The following STAG2 variants were observed in gnomAD, a reference collection of about 807,000 sequenced individuals.
STAG2 encodes the protein cohesin subunit SA-2.
Under a neutral mutation model 108.1 loss-of-function variants are expected in STAG2, and 14 were observed. The observed-to-expected ratio is 0.13, with a 90% CI of 0.09 to 0.20. The LOEUF is 0.20. STAG2 is among the 10% of genes least tolerant of loss of function. STAG2 has a pLI of 1.00. For synonymous variants in STAG2, 307 were observed against 302.7 expected, an observed-to-expected ratio of 1.01 and a Z score of -0.15; for missense variants, 440 against 940.9, an observed-to-expected ratio of 0.47 and a Z score of 6.96.
At chrX:124,025,456 A>G (rs997903647) in intron 3 of STAG2, among the ~76,000 whole-genome samples, 1 of 111,373 alleles carries the variant, frequency 9.0e-6, no homozygotes, top group Non-Finnish European at 1.9e-5. Flanking sequence ...AGTTCCTCCA[A>G]TGCCTAGTAT....
chrX:123,995,881 T>G (rs2055714877), intron 1 of STAG2, among the ~76,000 whole-genome samples: 1 of 112,144 alleles, frequency 8.9e-6, no homozygotes, highest in South Asian at 3.7e-4. Flanking sequence ...TACTGCATTA[T>G]CCAAATCTGT....
intron 30 of STAG2, among the ~76,000 whole-genome samples, chrX:124,087,131 A>G (rs180818029): frequency 1.8e-5 from 2 of 112,256 alleles, no homozygotes; most frequent in Admixed American, 1.9e-4. Context: ...GCTAGTTATT[A>G]CCCAAGAGAT....
chrX:124,037,025 A>G, intron 5 of STAG2, among the ~76,000 whole-genome samples: 1 of 110,237 alleles, frequency 9.1e-6, no homozygotes, highest in South Asian at 3.9e-4. Context: ...AGTTGGGATT[A>G]CAGGCGTGCA....
chrX:124,097,767 G>C (rs771723330), intron 34 of STAG2: 8 of 286,443 alleles, frequency 2.8e-5, no homozygotes, highest in Non-Finnish European at 5.6e-5. Context: ...CAGTTATACA[G>C]TTAGCAAGTG....
At chrX:124,088,234 ATC>A (rs1338952928) in intron 30 of STAG2, among the ~76,000 whole-genome samples, 2 of 109,764 alleles carry the variant, frequency 1.8e-5, no homozygotes, top group East Asian at 5.7e-4. Flanking sequence ...TATTACAGAA[ATC>A]TCTCTTTTTT....
chrX:123,984,845 C>T (rs1324396033), intron 1 of STAG2, among the ~76,000 whole-genome samples: 1 of 111,069 alleles, frequency 9.0e-6, no homozygotes, highest in Non-Finnish European at 1.9e-5. Flanking sequence ...CACCATGTTG[C>T]TCAGGCTGGT....
intron 5 of STAG2, among the ~76,000 whole-genome samples, chrX:124,035,053 C>T (rs12849410): frequency 0.034 from 3,704 of 109,845 alleles, 60 homozygotes; most frequent in Non-Finnish European, 0.048. Context: ...CATGCCACCA[C>T]GCCCAGCTAA....
chrX:123,979,521 C>T (rs772977680), intron 1 of STAG2, among the ~76,000 whole-genome samples: 1 of 111,597 alleles, frequency 9.0e-6, no homozygotes, highest in Admixed American at 9.6e-5. Context: ...TCATATTTAA[C>T]AGACCAAAAT....
chrX:124,038,314 C>A (rs192631367), intron 6 of STAG2, among the ~76,000 whole-genome samples: 1 of 110,173 alleles, frequency 9.1e-6, no homozygotes, highest in East Asian at 2.8e-4. Context: ...AGATTACGGG[C>A]AGGTTCTGAT....
intron 1 of STAG2, among the ~76,000 whole-genome samples, chrX:123,980,708 A>T (rs907456940): frequency 9.0e-6 from 1 of 111,451 alleles, no homozygotes; most frequent in African/African-American, 3.3e-5. Context: ...GAATTCTACA[A>T]AGTCAAATAG....
At position 124,070,231 on chromosome X, in the gene STAG2, C is replaced by T. The variant is rs780514633; in HGVS notation, c.2359-918C>T. ...TCTTTATGTTGCAAGTTTTTGTAGACTGAAATATGCTAATAGGTATAAATT... is the reference window on the plus strand; with the variant it reads ...TCTTTATGTTGCAAGTTTTTGTAGATTGAAATATGCTAATAGGTATAAATT... On this transcript the variant is annotated intron_variant, in intron 24 of 34. Coordinates refer to ENST00000371145, the MANE Select transcript of STAG2 (RefSeq NM_001042750.2). Among the ~76,000 whole-genome samples the T allele has an allele frequency of 5.8e-3, 649 of 111,275 alleles. 2 individuals are homozygous for T. The highest frequency in any genetic ancestry group is 9.9e-3 in the Non-Finnish European group (522 of 52,923).
intron 1 of STAG2, among the ~76,000 whole-genome samples, chrX:124,020,112 T>C (rs187137047): frequency 1.6e-3 from 182 of 112,800 alleles, no homozygotes; most frequent in Non-Finnish European, 2.3e-3. Context: ...AATGCTTCTT[T>C]CTTTTACAGT....
chrX:123,992,222 C>T (rs1220381553), intron 1 of STAG2, among the ~76,000 whole-genome samples: 4 of 111,288 alleles, frequency 3.6e-5, no homozygotes, highest in South Asian at 3.7e-4. Flanking sequence ...TAAACATGCA[C>T]TCCAAAGTAA....
intron 1 of STAG2, among the ~76,000 whole-genome samples, chrX:123,982,389 A>T (rs918382483): frequency 9.0e-6 from 1 of 110,508 alleles, no homozygotes; most frequent in East Asian, 2.8e-4. Context: ...TTTGAGATGG[A>T]GTCTTGCTCT....
At chrX:124,017,210 T>G (rs1424189377) in intron 1 of STAG2, among the ~76,000 whole-genome samples, 1 of 109,558 alleles carries the variant, frequency 9.1e-6, no homozygotes, top group Non-Finnish European at 1.9e-5. Context: ...TTGAATTAAA[T>G]ACCTTTTTTT....
intron 1 of STAG2, among the ~76,000 whole-genome samples, chrX:124,007,703 C>T (rs1376162748): frequency 8.9e-6 from 1 of 112,270 alleles, no homozygotes; most frequent in African/African-American, 3.2e-5. Context: ...ACAAATACAT[C>T]CATTCATATA....
chrX:124,070,873 T>C (rs960011775), intron 24 of STAG2, among the ~76,000 whole-genome samples: 2 of 111,681 alleles, frequency 1.8e-5, no homozygotes, highest in African/African-American at 6.5e-5. Flanking sequence ...TGTAACATAT[T>C]GTACAAGTCA....
At chrX:124,058,120 AT>A (rs1321939916) in intron 15 of STAG2, 143 bp downstream of exon 15, 1,558 of 222,457 alleles carry the variant, frequency 7.0e-3, no homozygotes, top group East Asian at 9.6e-3. Context: ...CACTCCCCCA[AT>A]TTTTTTTTTT....
At chrX:124,041,198 A>G (rs1181697248) in intron 6 of STAG2, among the ~76,000 whole-genome samples, 1 of 105,647 alleles carries the variant, frequency 9.5e-6, no homozygotes, top group African/African-American at 3.5e-5. Context: ...TCCTGAGTTC[A>G]TCAACTTTTT....
Sources: allele counts gnomAD v4.1 joint callset (sites outside exome capture counted in the v4.1 genomes callset), GRCh38; gene constraint gnomAD v4.1.1; transcripts MANE v1.5; gene names NCBI Gene and HGNC (gene_info 2026-07-23, HGNC 2026-07-21).